The following C8orf34 variants were observed in gnomAD, a reference collection of about 807,000 sequenced individuals.
C8orf34 encodes the protein chromosome 8 open reading frame 34, also known as uncharacterized protein C8orf34.
C8orf34 carries 65 observed loss-of-function variants against 68.3 expected under a neutral mutation model. The observed-to-expected ratio is 0.95, with a 90% CI of 0.78 to 1.17. C8orf34 has a LOEUF of 1.17. Among genes scored for constraint, C8orf34 ranks in the 50% most tolerant of loss-of-function variants. C8orf34 has a pLI of 0.00. For missense variants in C8orf34, 664 were observed against 655.4 expected (o/e 1.01, Z -0.14); for synonymous variants, 244 against 241.2 (o/e 1.01, Z -0.11).
In C8orf34 at chr8:68,434,005, A is replaced by C. The variant is rs538997244; in HGVS notation, c.328-5494A>C. 6.6e-5 allele frequency among the ~76,000 whole-genome samples: 10 copies of C among 152,288 alleles called. No homozygotes were observed. In the South Asian group the frequency reaches 1.2e-3, roughly 19 times the overall value. ...TCTGTTACTGGTTATTAGACTCTTA[A>C]ATTCCAGTAGCCCTTACATGTTGCA... On this transcript the variant is annotated intron_variant, in intron 1 of 13. Transcript: ENST00000518698.
chr8:68,748,954 A>G (rs1190293932), intron 10 of C8orf34, among the ~76,000 whole-genome samples: 4 of 152,172 alleles, frequency 2.6e-5, no homozygotes, highest in African/African-American at 2.4e-5. Flanking sequence ...TTATTGCGGC[A>G]TTATTCACAA....
intron 8 of C8orf34, among the ~76,000 whole-genome samples, chr8:68,689,822 C>T (rs905350943): frequency 6.6e-6 from 1 of 151,938 alleles, no homozygotes; most frequent in Non-Finnish European, 1.5e-5. Context: ...CAATTGGGTG[C>T]CTTCCCTAGT....
At chr8:68,736,738 T>C (rs1822132751) in intron 10 of C8orf34, among the ~76,000 whole-genome samples, 1 of 152,058 alleles carries the variant, frequency 6.6e-6, no homozygotes, top group Admixed American at 6.6e-5. Context: ...CTGAGAACTT[T>C]TAGGTGTCCT....
At chr8:68,378,984 G>A (rs1300555997) in intron 1 of C8orf34, among the ~76,000 whole-genome samples, 1 of 151,808 alleles carries the variant, frequency 6.6e-6, no homozygotes, top group East Asian at 1.9e-4. Context: ...AAATGAAAAG[G>A]GAAAATGAAA....
At chr8:68,520,617 ATTTTTT>A in intron 5 of C8orf34, among the ~76,000 whole-genome samples, 2 of 134,238 alleles carry the variant, frequency 1.5e-5, no homozygotes, top group East Asian at 4.4e-4. Context: ...CGCCCGGCTA[ATTTTTT>A]TTTTTTTTTT....
intron 5 of C8orf34, among the ~76,000 whole-genome samples, chr8:68,511,992 G>A (rs895190090): frequency 4.6e-5 from 7 of 151,896 alleles, no homozygotes; most frequent in Admixed American, 4.6e-4. Context: ...TTTATGAAGT[G>A]TTTTTTTTCT....
intron 10 of C8orf34, among the ~76,000 whole-genome samples, chr8:68,743,260 G>A (rs1377923662): frequency 6.6e-6 from 1 of 152,206 alleles, no homozygotes; most frequent in Non-Finnish European, 1.5e-5. Flanking sequence ...GGATAAGAAG[G>A]AGGAATAGCA....
intron 7 of C8orf34, among the ~76,000 whole-genome samples, chr8:68,568,485 G>A (rs1270074879): frequency 1.3e-5 from 2 of 151,842 alleles, no homozygotes; most frequent in Non-Finnish European, 2.9e-5. Context: ...ACACAGACAC[G>A]AAGTGAGCCC....
intron 8 of C8orf34, among the ~76,000 whole-genome samples, chr8:68,643,818 TAA>T (rs568663578): frequency 4.3e-4 from 65 of 151,450 alleles, no homozygotes; most frequent in African/African-American, 1.5e-3. Context: ...CAATTTCACA[TAA>T]AAAAAAATCA....
Position 68,352,959 on chromosome 8 carries a change from AT to A in C8orf34, c.327+21625del, listed in dbSNP as rs374137032. 1.3e-3 allele frequency among the ~76,000 whole-genome samples: 205 copies of A among 152,258 alleles called. 1 individual carries two copies. Among genetic ancestry groups the A allele is most frequent in the African/African-American group, 4.9e-3 (202 of 41,550 alleles). ...TATATTGACATGGAATGGTGTCTATATTTTTAAGGGACTGAATCTTGGAATG... is the reference window on the plus strand; with the variant it reads ...TATATTGACATGGAATGGTGTCTATATTTTAAGGGACTGAATCTTGGAATG... On this transcript the variant is annotated intron_variant, in intron 1 of 13. Coordinates refer to ENST00000518698, the MANE Select transcript of C8orf34 (RefSeq NM_052958.4).
chr8:68,644,456 C>A (rs967462367), intron 8 of C8orf34, among the ~76,000 whole-genome samples: 8 of 152,136 alleles, frequency 5.3e-5, no homozygotes, highest in Admixed American at 1.3e-4. Flanking sequence ...TTTGGAGAAT[C>A]TGTCTTTAGG....
rs555064183 is a variant in C8orf34 at position 68,465,708 on chromosome 8, A to T, written c.608-2984A>T. 2.6e-5 allele frequency among the ~76,000 whole-genome samples: 4 copies of T among 151,200 alleles called. 1 individual carries two copies. In the East Asian group the frequency reaches 7.9e-4, roughly 30 times the overall value. ...CAGTAAACTATCGCAAGGACAAAAA[A>T]CCAAACACCGCATGTTCTCACTCAT... On this transcript the variant is annotated intron_variant, in intron 3 of 13. Transcript: ENST00000518698.
chr8:68,670,910 T>C (rs150470728), intron 8 of C8orf34, among the ~76,000 whole-genome samples: 7 of 152,338 alleles, frequency 4.6e-5, no homozygotes, highest in South Asian at 4.1e-4. Flanking sequence ...AATTGTGTGA[T>C]TTAATTATCT....
chr8:68,365,763 A>T (rs1267356535), intron 1 of C8orf34, among the ~76,000 whole-genome samples: 3 of 57,506 alleles, frequency 5.2e-5, no homozygotes, highest in Admixed American at 4.9e-4. Context: ...AATAAGAGCT[A>T]TCTATGACAA....
chr8:68,781,280 G>C (rs1157868277), intron 11 of C8orf34, among the ~76,000 whole-genome samples: 2 of 152,294 alleles, frequency 1.3e-5, no homozygotes, highest in East Asian at 3.9e-4. Context: ...CAATGCTGCT[G>C]AAGTTTGTAA....
At position 68,600,180 on chromosome 8, in the gene C8orf34, T is replaced by A. The variant is rs151198995; in HGVS notation, c.1106-40196T>A. Among the ~76,000 whole-genome samples the A allele has an allele frequency of 3.6e-3, 555 of 152,252 alleles. 7 individuals are homozygous for A. The highest frequency in any genetic ancestry group is 0.013 in the African/African-American group (532 of 41,572). On this transcript the variant is annotated intron_variant, in intron 7 of 13. Transcript: ENST00000518698. ...TGCTCTAGGTATTACAATATACATA[T>A]GTAATTTATCACAGTCTACAGGTAT...
chr8:68,348,377 A>G (rs1806369045), intron 1 of C8orf34, among the ~76,000 whole-genome samples: 1 of 152,072 alleles, frequency 6.6e-6, no homozygotes, highest in Non-Finnish European at 1.5e-5. Context: ...CTTGCAGTAT[A>G]GTTTGAAGTT....
At chr8:68,712,573 A>G (rs922615136) in intron 9 of C8orf34, among the ~76,000 whole-genome samples, 1 of 152,178 alleles carries the variant, frequency 6.6e-6, no homozygotes, top group African/African-American at 2.4e-5. Context: ...CTTTAAAGCA[A>G]CAGCAGTTAA....
intron 9 of C8orf34, among the ~76,000 whole-genome samples, chr8:68,710,060 A>G (rs567259858): frequency 1.6e-4 from 24 of 152,210 alleles, no homozygotes; most frequent in Non-Finnish European, 8.8e-5. Context: ...TAGAAAATTA[A>G]AAACTCCTGT....
Sources: allele counts gnomAD v4.1 joint callset (sites outside exome capture counted in the v4.1 genomes callset), GRCh38; gene constraint gnomAD v4.1.1; transcripts MANE v1.5; gene names NCBI Gene and HGNC (gene_info 2026-07-23, HGNC 2026-07-21).